Variants in NUP205 observed in about 807,000 individuals in gnomAD.
NUP205 encodes the protein nucleoporin 205.
NUP205 carries 76 observed loss-of-function variants against 253.8 expected under a neutral mutation model. The ratio of observed to expected loss-of-function variants is 0.30; its 90% CI spans 0.25 to 0.36. The LOEUF is 0.36. Ranked by LOEUF, NUP205 falls within the 10% of genes least tolerant of loss-of-function variation. The pLI, the probability that NUP205 is intolerant of heterozygous loss-of-function variation, is 1.00. For synonymous variants in NUP205, 832 were observed against 850.1 expected (o/e 0.98, Z 0.37); for missense variants, 2,162 against 2,425.5 (o/e 0.89, Z 2.28).
chr7:135,601,096 A>C, intron 16 of NUP205, 127 bp downstream of exon 16: 1 of 608,798 alleles, frequency 1.6e-6, no homozygotes. Context: ...TCATTGTTTT[A>C]ATCATTTTAA....
At chr7:135,627,922 A>T in intron 33 of NUP205, 51 bp from the exon 34 acceptor site, 1 of 1,590,070 alleles carries the variant, frequency 6.3e-7, no homozygotes, top group Middle Eastern at 1.7e-4. Flanking sequence ...GGAATTGCCG[A>T]GAGTATACCT....
At position 135,615,717 on chromosome 7, in the gene NUP205, A is replaced by G. The variant is rs74836077; in HGVS notation, c.3311-199A>G. Among the ~76,000 whole-genome samples the G allele has an allele frequency of 5.9e-5, 9 of 152,274 alleles. No individual in the cohort carries two copies. In the South Asian group the frequency reaches 1.0e-3, roughly 18 times the overall value. On this transcript the variant is annotated intron_variant, in intron 23 of 42. Coordinates refer to ENST00000285968, the MANE Select transcript of NUP205 (RefSeq NM_015135.3). Reference sequence around the variant, plus strand: ...ACTTTAGCCCATCTTTCGTAAATTTATACTAGCTTATTTTTTTCTTTCTTG... The same window carrying G: ...ACTTTAGCCCATCTTTCGTAAATTTGTACTAGCTTATTTTTTTCTTTCTTG...
chr7:135,569,944 T>C (rs11768962), intron 1 of NUP205, among the ~76,000 whole-genome samples: 27,594 of 151,220 alleles, frequency 0.18, 3,119 homozygotes, highest in East Asian at 0.44. Flanking sequence ...GTGCCTATGA[T>C]ATGAAAGGCA....
At chr7:135,563,316 C>T (rs970028303) in intron 1 of NUP205, among the ~76,000 whole-genome samples, 132 of 151,584 alleles carry the variant, frequency 8.7e-4, no homozygotes, top group African/African-American at 2.9e-3. Context: ...GCCTCCCTAG[C>T]AGCTGGGACT....
At position 135,563,291 on chromosome 7, in the gene NUP205, G is replaced by A. The variant is rs189796055; in HGVS notation, c.28+5319G>A. ...CAGCCTCCGCCTCCTGGGTTCAAGC[G>A]ATTCTCCTGCCTCAGCCTCCCTAGC... On this transcript the variant is annotated intron_variant, in intron 1 of 42. Transcript: ENST00000285968. 1.8e-3 allele frequency among the ~76,000 whole-genome samples: 273 copies of A among 152,198 alleles called. 2 individuals are homozygous for A. Among genetic ancestry groups the A allele is most frequent in the Non-Finnish European group, 2.4e-3 (162 of 68,000 alleles).
chr7:135,644,333 A>T (rs1460701429), intron 39 of NUP205, among the ~76,000 whole-genome samples: 1 of 152,196 alleles, frequency 6.6e-6, no homozygotes, highest in Non-Finnish European at 1.5e-5. Context: ...TACTTGTAAG[A>T]GGAATTGCAT....
At chr7:135,647,570 C>T (rs527962539) in intron 42 of NUP205, among the ~76,000 whole-genome samples, 1 of 152,320 alleles carries the variant, frequency 6.6e-6, no homozygotes, top group East Asian at 1.9e-4. Context: ...CCCAGGCTGG[C>T]ATGCAGTGGT....
At chr7:135,559,127 G>C (rs1805511708) in intron 1 of NUP205, among the ~76,000 whole-genome samples, 1 of 152,134 alleles carries the variant, frequency 6.6e-6, no homozygotes, top group Non-Finnish European at 1.5e-5. Flanking sequence ...GGAAATAGAG[G>C]CTTCAAATAG....
At chr7:135,611,093 T>C (rs1794220692) in intron 22 of NUP205, among the ~76,000 whole-genome samples, 1 of 150,626 alleles carries the variant, frequency 6.6e-6, no homozygotes, top group African/African-American at 2.4e-5. Flanking sequence ...GCAACCTCCA[T>C]CTCCCAGGTT....
In NUP205 at chr7:135,638,105, T is replaced by C. The variant is rs7799891; in HGVS notation, c.5265+46T>C. Reference sequence around the variant, plus strand: ...CTAAGGTTTTTATGTTTTTGGAAAATGTTGATAAAAATAACAGATGTGGAC... The same window carrying C: ...CTAAGGTTTTTATGTTTTTGGAAAACGTTGATAAAAATAACAGATGTGGAC... On this transcript the variant is annotated intron_variant, in intron 37 of 42. Coordinates refer to ENST00000285968, the MANE Select transcript of NUP205 (RefSeq NM_015135.3). 322,189 of 1,589,188 alleles carry C rather than the reference T, an allele frequency of 0.2. 34,336 individuals are homozygous for C. Among genetic ancestry groups the C allele is most frequent in the East Asian group, 0.3 (13,489 of 44,530 alleles).
Position 135,614,177 on chromosome 7 carries a change from G to T in NUP205, c.3214G>T (p.Ala1072Ser), listed in dbSNP as rs991537370. Reference protein sequence around the residue: ...LCYQVIYQLCACSDTSGPTMR... With the variant: ...LCYQVIYQLCSCSDTSGPTMR... ...GCTTTAGGTCATATATCAGTTATGT[G>T]CATGCTCTGATACATCTGGTCCTAC... Residue 1072 changes from alanine to serine, a missense_variant, in exon 23 of 43, where the codon GCA (alanine) becomes TCA (serine). By Grantham distance (99) the Ala-to-Ser change is moderately conservative (BLOSUM62 1). Transcript: ENST00000285968. 6.3e-7 allele frequency: 1 copy of T among 1,597,936 alleles called. No individual in the cohort carries two copies. Among genetic ancestry groups the T allele is most frequent in the Admixed American group, 1.7e-5 (1 of 59,890 alleles).
chr7:135,562,515 G>T (rs1462174530), intron 1 of NUP205, among the ~76,000 whole-genome samples: 2 of 146,102 alleles, frequency 1.4e-5, no homozygotes, highest in Non-Finnish European at 3.0e-5. Flanking sequence ...TCTTCATTTG[G>T]CTTGATCTTT....
At chr7:135,570,712 AT>A (rs1805945994) in intron 1 of NUP205, among the ~76,000 whole-genome samples, 1 of 109,538 alleles carries the variant, frequency 9.1e-6, no homozygotes, top group South Asian at 2.8e-4. Flanking sequence ...TTATATTAAT[AT>A]AATTAATTAT....
chr7:135,565,720 T>TA (rs1805737832), intron 1 of NUP205, among the ~76,000 whole-genome samples: 1 of 152,196 alleles, frequency 6.6e-6, no homozygotes, highest in Non-Finnish European at 1.5e-5. Flanking sequence ...GTGGCTTACT[T>TA]ACCTCTTATC....
At chr7:135,595,242 T>C (rs78330553) in intron 13 of NUP205, among the ~76,000 whole-genome samples, 5,156 of 151,930 alleles carry the variant, frequency 0.034, 119 homozygotes, top group Middle Eastern at 0.1. Context: ...TTTTTTAAGA[T>C]AGGGTCTCGC....
At chr7:135,581,840 G>A (rs114123774) in intron 7 of NUP205, among the ~76,000 whole-genome samples, 1,999 of 150,552 alleles carry the variant, frequency 0.013, 44 homozygotes, top group African/African-American at 0.046. Flanking sequence ...GTGACAGAGT[G>A]AAACTCTGTT....
At chr7:135,630,590 A>C (rs1484929877) in intron 35 of NUP205, 120 bp downstream of exon 35, 1 of 750,146 alleles carries the variant, frequency 1.3e-6, no homozygotes, top group Non-Finnish European at 2.0e-6. Context: ...GGTACTGCTA[A>C]CAGAGCCTTT....
chr7:135,616,815 C>A, intron 25 of NUP205, 89 bp downstream of exon 25: 2 of 772,896 alleles, frequency 2.6e-6, no homozygotes, highest in South Asian at 2.9e-5. Flanking sequence ...CCTGTGCCTC[C>A]AAACTCTGAA....
intron 7 of NUP205, among the ~76,000 whole-genome samples, chr7:135,579,541 A>G (rs1177989157): frequency 6.6e-5 from 10 of 152,112 alleles, no homozygotes; most frequent in Non-Finnish European, 1.2e-4. Context: ...TTATTTTTAT[A>G]TATTTTACTT....
Sources: gnomAD v4.1 joint callset for allele counts (sites outside exome capture counted in the v4.1 genomes callset) on GRCh38, gnomAD v4.1.1 for gene constraint, MANE v1.5 for transcripts, NCBI Gene and HGNC (gene_info 2026-07-23, HGNC 2026-07-21) for gene names.